Variants in SPAST observed in about 807,000 individuals in gnomAD.
SPAST encodes the protein spastin.
Under a neutral mutation model 76.6 loss-of-function variants are expected in SPAST, and 30 were observed. The ratio of observed to expected loss-of-function variants is 0.39; its 90% CI spans 0.29 to 0.53. The LOEUF is 0.53. Ranked by LOEUF, SPAST falls within the 20% of genes least tolerant of loss-of-function variation. The pLI is 0.68. For synonymous variants in SPAST, 305 were observed against 281.0 expected (o/e 1.09, Z -0.86); for missense variants, 717 against 770.5 (o/e 0.93, Z 0.82).
At chr2:32,103,813 T>C (rs1678216520) in intron 4 of SPAST, among the ~76,000 whole-genome samples, 1 of 152,264 alleles carries the variant, frequency 6.6e-6, no homozygotes, top group Non-Finnish European at 1.5e-5. Flanking sequence ...CTAGTTTGAT[T>C]GCACTGTGGC....
chr2:32,081,541 C>T (rs577757422), intron 1 of SPAST, among the ~76,000 whole-genome samples: 6 of 152,076 alleles, frequency 3.9e-5, no homozygotes, highest in East Asian at 1.9e-4. Context: ...CCACCACTTT[C>T]AGAGTTCACA....
intron 9 of SPAST, chr2:32,130,314 CTT>C (rs967295108): frequency 2.7e-5 from 4 of 147,900 alleles, no homozygotes; most frequent in African/African-American, 1.0e-4. Context: ...ACAAAACAAA[CTT>C]TTATGGTTGA....
At chr2:32,098,953 A>T in intron 4 of SPAST, 62 bp downstream of exon 4, 2 of 1,057,086 alleles carry the variant, frequency 1.9e-6, no homozygotes, top group Non-Finnish European at 3.0e-6. Flanking sequence ...AGTCTTACTT[A>T]ACCTGATAAT....
At chr2:32,083,776 ATT>A (rs1178658126) in intron 1 of SPAST, among the ~76,000 whole-genome samples, 24 of 46,056 alleles carry the variant, frequency 5.2e-4, no homozygotes, top group East Asian at 1.9e-3. Flanking sequence ...ATATATATAT[ATT>A]TTTTTTTTTT....
At chr2:32,067,776 A>G (rs1176843227) in intron 1 of SPAST, among the ~76,000 whole-genome samples, 3 of 139,518 alleles carry the variant, frequency 2.2e-5, no homozygotes, top group Admixed American at 7.3e-5. Context: ...TTTTTTTGCT[A>G]GAGATAGGAT....
intron 4 of SPAST, among the ~76,000 whole-genome samples, chr2:32,101,594 T>C (rs994401191): frequency 4.6e-5 from 7 of 152,246 alleles, no homozygotes; most frequent in Non-Finnish European, 1.0e-4. Context: ...CTTCTAGGGT[T>C]TTTATAGTTT....
intron 4 of SPAST, among the ~76,000 whole-genome samples, chr2:32,110,906 C>G (rs1252182747): frequency 1.3e-5 from 1 of 79,514 alleles, no homozygotes; most frequent in African/African-American, 4.9e-5. Context: ...ATACAGTATA[C>G]TATATCGTGT....
chr2:32,066,526 G>T (rs985894762), intron 1 of SPAST, among the ~76,000 whole-genome samples: 1 of 151,888 alleles, frequency 6.6e-6, no homozygotes, highest in Non-Finnish European at 1.5e-5. Context: ...AAATTAGCTG[G>T]GCATGGTGAC....
At chr2:32,092,730 G>A (rs1218071075) in intron 3 of SPAST, among the ~76,000 whole-genome samples, 5 of 152,160 alleles carry the variant, frequency 3.3e-5, no homozygotes, top group African/African-American at 1.2e-4. Context: ...GACATCGGCT[G>A]GGCGCGGTGG....
chr2:32,136,517 A>G (rs1326980648), intron 9 of SPAST, 46 bp from the exon 10 acceptor site: 2 of 1,331,644 alleles, frequency 1.5e-6, no homozygotes, highest in Admixed American at 1.7e-5. Context: ...AAAAACTGGA[A>G]TAATGTTGCA....
At chr2:32,065,535 G>C (rs1676476323) in intron 1 of SPAST, among the ~76,000 whole-genome samples, 1 of 152,192 alleles carries the variant, frequency 6.6e-6, no homozygotes, top group African/African-American at 2.4e-5. Flanking sequence ...TTCCAAACCT[G>C]TGCTAATAAT....
Position 32,109,710 on chromosome 2 carries a change from A to C in SPAST, c.683-4928A>C, listed in dbSNP as rs536149771. On this transcript the variant is annotated intron_variant, in intron 4 of 16. Coordinates refer to ENST00000315285, the MANE Select transcript of SPAST (RefSeq NM_014946.4). ...ATATATATTGTTTAGTTTTGATATA[A>C]CTAAAAATAACTATATGTATATATA... 2.0e-5 allele frequency among the ~76,000 whole-genome samples: 3 copies of C among 149,234 alleles called. No individual in the cohort carries two copies. The South Asian group carries it at 6.3e-4, about 31-fold the overall frequency.
At chr2:32,135,921 T>C (rs1679520601) in intron 9 of SPAST, among the ~76,000 whole-genome samples, 1 of 151,906 alleles carries the variant, frequency 6.6e-6, no homozygotes, top group African/African-American at 2.4e-5. Context: ...TTACTAAAAA[T>C]ACAAAAATTA....
chr2:32,110,140 A>G (rs1311766976), intron 4 of SPAST, among the ~76,000 whole-genome samples: 1 of 135,560 alleles, frequency 7.4e-6, no homozygotes, highest in Non-Finnish European at 1.5e-5. Context: ...TTTTTTGGAG[A>G]TGGAGTCTTG....
At chr2:32,114,033 TC>T (rs1678727345) in intron 4 of SPAST, among the ~76,000 whole-genome samples, 1 of 151,908 alleles carries the variant, frequency 6.6e-6, no homozygotes, top group Non-Finnish European at 1.5e-5. Context: ...AACCTCTGAC[TC>T]CGTGGTTCAA....
At chr2:32,086,529 A>G (rs917823106) in intron 1 of SPAST, among the ~76,000 whole-genome samples, 1 of 151,672 alleles carries the variant, frequency 6.6e-6, no homozygotes, top group African/African-American at 2.4e-5. Flanking sequence ...TTGAGAGGCC[A>G]AGGCGGGTGG....
chr2:32,080,675 C>G (rs58211536), intron 1 of SPAST, among the ~76,000 whole-genome samples: 2 of 150,352 alleles, frequency 1.3e-5, no homozygotes, highest in Non-Finnish European at 2.9e-5. Context: ...ATAAATGTAT[C>G]TAAAGGATAA....
chr2:32,133,002 C>T (rs1415851051), intron 9 of SPAST, among the ~76,000 whole-genome samples: 2 of 151,598 alleles, frequency 1.3e-5, no homozygotes, highest in East Asian at 1.9e-4. Context: ...GCCGAGATTG[C>T]GCCATTCCAC....
intron 1 of SPAST, among the ~76,000 whole-genome samples, chr2:32,070,430 C>G (rs1676700275): frequency 1.3e-5 from 2 of 152,102 alleles, no homozygotes; most frequent in Non-Finnish European, 2.9e-5. Context: ...CAAACTATTT[C>G]AAAAGAGGAA....
Sources: allele counts gnomAD v4.1 joint callset (sites outside exome capture counted in the v4.1 genomes callset), GRCh38; gene constraint gnomAD v4.1.1; transcripts MANE v1.5; gene names NCBI Gene and HGNC (gene_info 2026-07-23, HGNC 2026-07-21).